Variants in SLC12A1 observed in about 807,000 individuals in gnomAD.
SLC12A1 encodes the protein Na-K-2Cl cotransporter.
Under a neutral mutation model 130.4 loss-of-function variants are expected in SLC12A1, and 89 were observed. The observed-to-expected ratio is 0.68, with a 90% CI of 0.58 to 0.81. The LOEUF is 0.81. SLC12A1 is among the 40% of genes least tolerant of loss of function. The pLI, the probability that SLC12A1 is intolerant of heterozygous loss-of-function variation, is 0.00. For missense variants in SLC12A1, 1,310 were observed against 1,336.4 expected, an observed-to-expected ratio of 0.98 and a Z score of 0.31; for synonymous variants, 499 against 460.0, an observed-to-expected ratio of 1.08 and a Z score of -1.09.
At position 48,207,690 on chromosome 15, in the gene SLC12A1, G is replaced by C; in HGVS notation, c.-30G>C. 1.3e-6 allele frequency: 2 copies of C among 1,514,600 alleles called. No homozygotes were observed. The highest frequency in any genetic ancestry group is 1.8e-6 in the Non-Finnish European group (2 of 1,133,004). The allele number at this position is 1,514,600 out of a possible 1,614,324, so 93.8% of individuals were successfully genotyped here. A position where few individuals can be genotyped will look rare whatever the true frequency, so the allele number is the denominator to read the frequency against. On this transcript the variant is annotated 5_prime_UTR_variant, in exon 2 of 27. Transcript: ENST00000380993. ...GATTTTTTAAAACAACCACAAAGTAGATAGCTCAGTAAAAAATCAATTTTG... is the reference window on the plus strand; with the variant it reads ...GATTTTTTAAAACAACCACAAAGTACATAGCTCAGTAAAAAATCAATTTTG...
intron 17 of SLC12A1, among the ~76,000 whole-genome samples, chr15:48,264,075 T>C (rs986094717): frequency 9.2e-5 from 14 of 152,330 alleles, no homozygotes; most frequent in African/African-American, 3.4e-4. Flanking sequence ...GTTCTCTCTG[T>C]TCCCAGAGGC....
chr15:48,213,848 G>A (rs1176284365), intron 2 of SLC12A1, among the ~76,000 whole-genome samples: 1 of 152,004 alleles, frequency 6.6e-6, no homozygotes, highest in Non-Finnish European at 1.5e-5. Context: ...TAAGTCAAAC[G>A]ACATCGTTAT....
intron 9 of SLC12A1, among the ~76,000 whole-genome samples, chr15:48,238,388 C>T (rs994708523): frequency 2.0e-5 from 3 of 151,980 alleles, no homozygotes; most frequent in Admixed American, 1.3e-4. Context: ...CAGGTATGTG[C>T]AAAAGGGAAG....
chr15:48,250,284 A>G (rs1183261284), intron 14 of SLC12A1, among the ~76,000 whole-genome samples: 1 of 152,198 alleles, frequency 6.6e-6, no homozygotes, highest in Non-Finnish European at 1.5e-5. Flanking sequence ...GAGAGTTGTC[A>G]TTATCTACCT....
chr15:48,223,294 T>C (rs935834384), intron 4 of SLC12A1: 1 of 152,178 alleles, frequency 6.6e-6, no homozygotes, highest in African/African-American at 2.4e-5. Flanking sequence ...GGATTTACTT[T>C]TAAAGATCCA....
intron 24 of SLC12A1, among the ~76,000 whole-genome samples, chr15:48,295,786 G>A (rs555245502): frequency 2.0e-5 from 3 of 152,278 alleles, no homozygotes; most frequent in East Asian, 3.9e-4. Context: ...GGAGTGTGCT[G>A]GAAGAGCCAT....
chr15:48,230,516 A>G lies in SLC12A1; in HGVS notation c.975+13A>G, dbSNP rs1486109161. 1 of 1,533,256 alleles carries G rather than the reference A, an allele frequency of 6.5e-7. No individual in the cohort carries two copies. Among genetic ancestry groups the G allele is most frequent in the Non-Finnish European group, 9.0e-7 (1 of 1,111,180 alleles). The allele number at this position is 1,533,256 out of a possible 1,614,324, so 95.0% of individuals were successfully genotyped here. A position where few individuals can be genotyped will look rare whatever the true frequency, so the allele number is the denominator to read the frequency against. Reference sequence around the variant, plus strand: ...ATGGGAGGCAAAGGTAAATTTCTCAAAAATGATATTATCAACAGTGGCTGG... The same window carrying G: ...ATGGGAGGCAAAGGTAAATTTCTCAGAAATGATATTATCAACAGTGGCTGG... On this transcript the variant is annotated intron_variant, in intron 7 of 26. Coordinates refer to ENST00000380993, the MANE Select transcript of SLC12A1 (RefSeq NM_000338.3).
chr15:48,221,708 T>A (rs2041218692), intron 4 of SLC12A1, among the ~76,000 whole-genome samples: 1 of 152,342 alleles, frequency 6.6e-6, no homozygotes, highest in African/African-American at 2.4e-5. Context: ...AGTAAAGTTT[T>A]TATGAAAAAT....
rs35613910 is a variant in SLC12A1, at chr15:48,258,360, CAAAAAAAA to C, written c.2043-821_2043-814del. Among the ~76,000 whole-genome samples the C allele has an allele frequency of 2.0e-4, 6 of 30,244 alleles. 1 individual carries two copies. Among genetic ancestry groups the C allele is most frequent in the South Asian group, 2.3e-3 (1 of 440 alleles). The allele number at this position is 30,244 out of a possible 152,430, so 19.8% of individuals were successfully genotyped here. On this transcript the variant is annotated intron_variant, in intron 16 of 26. Coordinates refer to ENST00000380993, the MANE Select transcript of SLC12A1 (RefSeq NM_000338.3). The stretch of plus-strand genomic sequence containing the variant: ...TGGGCGACAGAGCGAGACTCCGTCT[CAAAAAAAA>C]AAAAAAAAAAAAAAAAAAGAGTGAC...
chr15:48,240,098 T>TATATATATATCCATAC (rs2041497920), intron 9 of SLC12A1, among the ~76,000 whole-genome samples: 1 of 130,630 alleles, frequency 7.7e-6, no homozygotes, highest in African/African-American at 3.3e-5. Flanking sequence ...TATCCATATA[T>TATATATATATCCATAC]ATATATATAT....
chr15:48,213,013 G>A (rs2041073506), intron 2 of SLC12A1, among the ~76,000 whole-genome samples: 1 of 152,184 alleles, frequency 6.6e-6, no homozygotes, highest in Non-Finnish European at 1.5e-5. Context: ...ACCCCTCAAG[G>A]AAGGTACTAT....
intron 26 of SLC12A1, 120 bp downstream of exon 26, chr15:48,301,502 T>TGG (rs1555387784): frequency 4.3e-5 from 19 of 439,790 alleles, no homozygotes; most frequent in South Asian, 3.9e-4. Flanking sequence ...GTGTTTTTTT[T>TGG]GGGGGGGGGA....
At chr15:48,207,171 A>G (rs2040992082) in intron 1 of SLC12A1, among the ~76,000 whole-genome samples, 1 of 152,222 alleles carries the variant, frequency 6.6e-6, no homozygotes. Context: ...AGCATTTAGT[A>G]CTGTCAGTGA....
At chr15:48,242,348 C>G (rs1472771217) in intron 10 of SLC12A1, among the ~76,000 whole-genome samples, 1 of 152,164 alleles carries the variant, frequency 6.6e-6, no homozygotes, top group African/African-American at 2.4e-5. Flanking sequence ...GCTGGACCAC[C>G]ATGGAAGCCA....
chr15:48,302,551 C>T (rs1298998535), intron 26 of SLC12A1, among the ~76,000 whole-genome samples, 199 bp from the exon 27 acceptor site: 3 of 131,212 alleles, frequency 2.3e-5, no homozygotes, highest in East Asian at 4.5e-4. Flanking sequence ...ACCCGGGAAG[C>T]GGAGCTTGCA....
In SLC12A1 at chr15:48,249,894, A is replaced by G. The variant is rs545849907; in HGVS notation, c.1786+218A>G. On this transcript the variant is annotated intron_variant, in intron 14 of 26. Coordinates refer to ENST00000380993, the MANE Select transcript of SLC12A1 (RefSeq NM_000338.3). ...GCCTTTTTGACCAACCAGAAAGTCA[A>G]TTTTCTCCTGTGGCAATAAATTATT... is the stretch of plus-strand genomic sequence containing the variant. Among the ~76,000 whole-genome samples, 4 of 152,316 alleles carry G rather than the reference A, an allele frequency of 2.6e-5. No homozygotes were observed. In the East Asian group the frequency reaches 5.8e-4, roughly 22 times the overall value.
intron 2 of SLC12A1, among the ~76,000 whole-genome samples, chr15:48,220,036 G>A (rs1165944171): frequency 1.3e-5 from 2 of 150,038 alleles, no homozygotes; most frequent in Non-Finnish European, 2.9e-5. Flanking sequence ...CTTAACCCGG[G>A]AGGCACAGGT....
intron 20 of SLC12A1, among the ~76,000 whole-genome samples, chr15:48,284,146 T>G (rs1419024633): frequency 6.6e-6 from 1 of 152,242 alleles, no homozygotes; most frequent in Admixed American, 6.5e-5. Context: ...TTTTAGCAAT[T>G]TGAACTCTGA....
Position 48,232,848 on chromosome 15 carries a change from A to C in SLC12A1, c.1087+10A>C, listed in dbSNP as rs745409901. 5 of 1,518,722 alleles carry C rather than the reference A, an allele frequency of 3.3e-6. No individual in the cohort carries two copies. The East Asian group carries it at 9.0e-5, about 27-fold the overall frequency. The allele number at this position is 1,518,722 out of a possible 1,614,324, so 94.1% of individuals were successfully genotyped here. A position where few individuals can be genotyped will look rare whatever the true frequency, so the allele number is the denominator to read the frequency against. ...TTCTTTAATTACCAAGGTACATGGA[A>C]TAAATTGGTTGCTTTTCATTAAATA... On this transcript the variant is annotated intron_variant, in intron 8 of 26. Coordinates refer to ENST00000380993, the MANE Select transcript of SLC12A1 (RefSeq NM_000338.3).
Sources: allele counts gnomAD v4.1 joint callset (sites outside exome capture counted in the v4.1 genomes callset), GRCh38; gene constraint gnomAD v4.1.1; transcripts MANE v1.5; gene names NCBI Gene and HGNC (gene_info 2026-07-23, HGNC 2026-07-21).